Variants in SAMD5 observed in about 807,000 individuals in gnomAD.
SAMD5 encodes sterile alpha motif domain containing 5.
A neutral mutation model predicts 11.3 loss-of-function variants in SAMD5; 13 were observed. That is an observed-to-expected ratio of 1.15 (90% confidence interval 0.75 to 1.83). SAMD5 has a LOEUF of 1.83. Among genes scored for constraint, SAMD5 ranks in the 40% most tolerant of loss-of-function variants. The pLI is 0.00. For missense variants in SAMD5, 255 were observed against 239.1 expected (o/e 1.07, Z -0.44); for synonymous variants, 129 against 111.3 (o/e 1.16, Z -1.00).
chr6:147,510,581 TG>T (rs2128438805), intron 1 of SAMD5, among the ~76,000 whole-genome samples: 1 of 152,318 alleles, frequency 6.6e-6, no homozygotes, highest in Non-Finnish European at 1.5e-5. Flanking sequence ...GTAGTATTGC[TG>T]TAGAATCTTA....
chr6:147,660,478 C>T (rs770004579), intron 1 of SAMD5, among the ~76,000 whole-genome samples: 3 of 152,114 alleles, frequency 2.0e-5, no homozygotes, highest in Non-Finnish European at 4.4e-5. Context: ...CCATTATAGT[C>T]CTTTAGGCTT....
In SAMD5 at chr6:147,515,676, G is replaced by A. The variant is rs537262833; in HGVS notation, c.459+6289G>A. 3.3e-5 allele frequency among the ~76,000 whole-genome samples: 5 copies of A among 152,072 alleles called. No individual in the cohort carries two copies. The South Asian group carries it at 1.0e-3, about 32-fold the overall frequency. On this transcript the variant is annotated intron_variant, in intron 1 of 1. Transcript: ENST00000367474. ...CACATGCCCATGTGCTAGGCTTTAA[G>A]ATCACAATTGCAAGGAACTAGACAG...
chr6:147,811,392 G>T, the SAMD5 span, among the ~76,000 whole-genome samples: 1 of 152,322 alleles, frequency 6.6e-6, no homozygotes, highest in East Asian at 1.9e-4. Context: ...GGTAAAAAAG[G>T]TAAGTTCTGA....
intron 1 of SAMD5, among the ~76,000 whole-genome samples, chr6:147,598,982 C>A (rs1789576880): frequency 6.6e-6 from 1 of 152,152 alleles, no homozygotes; most frequent in African/African-American, 2.4e-5. Flanking sequence ...GAGAGTTGTT[C>A]AGTAATGAAC....
chr6:147,865,741 G>T, the SAMD5 span, among the ~76,000 whole-genome samples: 1 of 151,870 alleles, frequency 6.6e-6, no homozygotes, highest in African/African-American at 2.4e-5. Context: ...TCCACTTCAG[G>T]GGTATTTTAA....
the SAMD5 span, among the ~76,000 whole-genome samples, chr6:147,875,098 AAAT>A: frequency 6.6e-6 from 1 of 152,178 alleles, no homozygotes. Flanking sequence ...TCTTCATTTA[AAAT>A]AATAATAATA....
At chr6:147,509,856 A>G (rs550673715) in intron 1 of SAMD5, among the ~76,000 whole-genome samples, 2 of 152,334 alleles carry the variant, frequency 1.3e-5, no homozygotes, top group Admixed American at 1.3e-4. Flanking sequence ...TAAAGAGTGG[A>G]AAGTCAGGCC....
chr6:147,615,978 CAT>C (rs1005345962), intron 1 of SAMD5, among the ~76,000 whole-genome samples: 1 of 151,948 alleles, frequency 6.6e-6, no homozygotes, highest in Non-Finnish European at 1.5e-5. Context: ...GAGTGGGTCA[CAT>C]GTGTGGTTAC....
chr6:147,510,274 A>G (rs1449326405), intron 1 of SAMD5, among the ~76,000 whole-genome samples: 1 of 152,156 alleles, frequency 6.6e-6, no homozygotes, highest in Non-Finnish European at 1.5e-5. Context: ...ATTAACAGAA[A>G]ATGGTACTTC....
At chr6:147,938,870 A>C in the SAMD5 span, among the ~76,000 whole-genome samples, 1 of 152,062 alleles carries the variant, frequency 6.6e-6, no homozygotes, top group Non-Finnish European at 1.5e-5. Context: ...CCAATTCTCC[A>C]ACTATCTGGA....
At chr6:147,674,713 C>T (rs557520548) in intron 1 of SAMD5, among the ~76,000 whole-genome samples, 10 of 152,232 alleles carry the variant, frequency 6.6e-5, no homozygotes, top group South Asian at 4.1e-4. Flanking sequence ...TGTTATTTTT[C>T]GTGTCCTGAG....
Position 147,568,412 on chromosome 6 carries a change from T to C in SAMD5, c.*3956T>C. The C allele has an allele frequency of 1.0e-6, 1 of 985,038 alleles. No homozygotes were observed. The highest frequency in any genetic ancestry group is 1.2e-6 in the Non-Finnish European group (1 of 829,574). 61.0% of individuals were successfully genotyped at this position (985,038 alleles called of 1,614,324 possible). A position where few individuals can be genotyped will look rare whatever the true frequency, so the allele number is the denominator to read the frequency against. ...AAAACATTTGCTTTATATAGATTCT[T>C]ACAAGTAATATTTGATTAGGTATCA... On this transcript the variant is annotated 3_prime_UTR_variant, in exon 2 of 2. Transcript: ENST00000367474.
chr6:147,572,016 A>G (rs1789145236), downstream of SAMD5, among the ~76,000 whole-genome samples: 1 of 150,958 alleles, frequency 6.6e-6, no homozygotes, highest in Non-Finnish European at 1.5e-5. Flanking sequence ...CCACCAGGCC[A>G]TCAGTACATC....
chr6:147,598,624 G>C (rs922164313), intron 1 of SAMD5, among the ~76,000 whole-genome samples: 2 of 152,162 alleles, frequency 1.3e-5, no homozygotes, highest in Non-Finnish European at 2.9e-5. Context: ...ATTGCACTGG[G>C]AAGACCGAAT....
At chr6:147,544,096 G>A (rs1049818956) in intron 1 of SAMD5, among the ~76,000 whole-genome samples, 3 of 152,182 alleles carry the variant, frequency 2.0e-5, no homozygotes, top group African/African-American at 4.8e-5. Context: ...TTGCAGGGCT[G>A]TAACCCCCAT....
intron 1 of SAMD5, among the ~76,000 whole-genome samples, chr6:147,626,940 CT>C (rs1339667786): frequency 6.6e-6 from 1 of 151,882 alleles, no homozygotes; most frequent in Non-Finnish European, 1.5e-5. Flanking sequence ...TTCTATTCCT[CT>C]TCTTCTTCCT....
chr6:147,816,301 A>AAAAAAAAAAATATATATATATATATAT, the SAMD5 span, among the ~76,000 whole-genome samples: 1 of 66,362 alleles, frequency 1.5e-5, no homozygotes, highest in Non-Finnish European at 2.4e-5. Flanking sequence ...AAAAAAAAAA[A>AAAAAAAAAAATATATATATATATATAT]ATATATATAT....
chr6:147,515,999 C>A (rs894687689), intron 1 of SAMD5, among the ~76,000 whole-genome samples: 2 of 152,100 alleles, frequency 1.3e-5, no homozygotes, highest in Non-Finnish European at 2.9e-5. Context: ...ATGGCCAGGA[C>A]TAGGGTAAAG....
intron 1 of SAMD5, among the ~76,000 whole-genome samples, chr6:147,725,080 C>T (rs932598887): frequency 1.6e-4 from 25 of 152,116 alleles, no homozygotes; most frequent in Non-Finnish European, 3.1e-4. Context: ...TTGTCTCATA[C>T]GTAAATGATT....
Sources: gnomAD v4.1 joint callset for allele counts (sites outside exome capture counted in the v4.1 genomes callset) on GRCh38, gnomAD v4.1.1 for gene constraint, MANE v1.5 for transcripts, NCBI Gene and HGNC (gene_info 2026-07-23, HGNC 2026-07-21) for gene names.